RTTN: variants seen among roughly 807,000 people sequenced by gnomAD.
RTTN encodes the protein rotatin.
RTTN carries 182 observed loss-of-function variants against 269.2 expected under a neutral mutation model. That is an observed-to-expected ratio of 0.68 (90% CI 0.60 to 0.76). RTTN has a LOEUF of 0.76. Ranked by LOEUF, RTTN falls within the 30% of genes least tolerant of loss-of-function variation. RTTN has a pLI of 0.00. For missense variants in RTTN, 2,545 were observed against 2,608.6 expected, an observed-to-expected ratio of 0.98 and a Z score of 0.53; for synonymous variants, 1,006 against 963.5, an observed-to-expected ratio of 1.04 and a Z score of -0.82.
chr18:70,130,612 A>G (rs2059974495), intron 23 of RTTN: 1 of 152,026 alleles, frequency 6.6e-6, no homozygotes, highest in Admixed American at 6.6e-5. Flanking sequence ...AAAGAGTAGA[A>G]TGATGATTAC....
At chr18:70,078,990 T>C (rs1188935023) in intron 32 of RTTN, among the ~76,000 whole-genome samples, 5 of 152,114 alleles carry the variant, frequency 3.3e-5, no homozygotes, top group African/African-American at 1.2e-4. Flanking sequence ...AATACCACTA[T>C]GGTACTATGA....
chr18:70,180,010 T>C lies in RTTN; in HGVS notation c.1306-3165A>G, dbSNP rs78799531. ...TCCACTATTTGCACCTCACATTTCA[T>C]GGTCTAGGTGCTTGTGTTCCATCTA... On this transcript the variant is annotated intron_variant, in intron 10 of 48. Transcript: ENST00000640769. 2.4e-3 allele frequency among the ~76,000 whole-genome samples: 360 copies of C among 152,284 alleles called. 1 individual carries two copies. The highest frequency in any genetic ancestry group is 8.3e-3 in the African/African-American group (346 of 41,556).
At chr18:70,091,764 T>A (rs1468695131) in intron 30 of RTTN, 1 of 160,230 alleles carries the variant, frequency 6.2e-6, no homozygotes, top group East Asian at 1.8e-4. Context: ...GTCTTTTTTT[T>A]TTTTTTGAGA....
At position 70,062,965 on chromosome 18, in the gene RTTN, C is replaced by T. The variant is rs945276514; in HGVS notation, c.4747+2864G>A. The stretch of plus-strand genomic sequence containing the variant: ...ATAAGTAATTTTGTTATATGTTTAT[C>T]ATTATCTATATATTGTTATATATCT... On this transcript the variant is annotated intron_variant, in intron 35 of 48. Transcript: ENST00000640769. Among the ~76,000 whole-genome samples, 18 of 152,048 alleles carry T rather than the reference C, an allele frequency of 1.2e-4. 1 individual carries two copies. The highest frequency in any genetic ancestry group is 4.4e-5 in the Non-Finnish European group (3 of 68,000).
chr18:70,152,184 T>C (rs561173657), intron 14 of RTTN, among the ~76,000 whole-genome samples: 1 of 146,320 alleles, frequency 6.8e-6, no homozygotes, highest in African/African-American at 2.5e-5. Context: ...GTTGATCCTA[T>C]CAAGGCTTGT....
chr18:70,057,004 T>C (rs1390415258), intron 37 of RTTN, among the ~76,000 whole-genome samples: 1 of 152,190 alleles, frequency 6.6e-6, no homozygotes, highest in Non-Finnish European at 1.5e-5. Flanking sequence ...CATTATGCAA[T>C]AGGCATGCTC....
chr18:70,099,076 C>T (rs534023296), intron 28 of RTTN, among the ~76,000 whole-genome samples: 1 of 151,536 alleles, frequency 6.6e-6, no homozygotes, highest in East Asian at 1.9e-4. Context: ...ATGAATATAG[C>T]AGCATGATTT....
At chr18:70,171,062 C>A (rs2061130246) in intron 11 of RTTN, among the ~76,000 whole-genome samples, 1 of 152,092 alleles carries the variant, frequency 6.6e-6, no homozygotes, top group African/African-American at 2.4e-5. Context: ...CATTTATTGT[C>A]ACCCAAGTGA....
chr18:70,134,412 G>C lies in RTTN; in HGVS notation c.2954+61C>G, dbSNP rs1365869763. On this transcript the variant is annotated intron_variant, in intron 23 of 48. Transcript: ENST00000640769. ...AAAATTGTGACAAATTATAGATTTTGATTTCCCTTTCTGTAACAACATTTC... is the reference window on the plus strand; with the variant it reads ...AAAATTGTGACAAATTATAGATTTTCATTTCCCTTTCTGTAACAACATTTC... 3 of 1,239,198 alleles carry C rather than the reference G, an allele frequency of 2.4e-6. No individual in the cohort carries two copies. The African/African-American group carries it at 4.5e-5, about 19-fold the overall frequency. 76.8% of individuals were successfully genotyped at this position (1,239,198 alleles called of 1,614,324 possible). A position where few individuals can be genotyped will look rare whatever the true frequency, so the allele number is the denominator to read the frequency against.
chr18:70,118,084 C>G (rs1479083405), intron 26 of RTTN, among the ~76,000 whole-genome samples: 1 of 151,298 alleles, frequency 6.6e-6, no homozygotes, highest in Non-Finnish European at 1.5e-5. Context: ...ATAAATGAAG[C>G]CAAAACTTAG....
intron 14 of RTTN, among the ~76,000 whole-genome samples, chr18:70,159,512 A>G (rs2060771321): frequency 2.0e-5 from 3 of 152,162 alleles, no homozygotes; most frequent in South Asian, 2.1e-4. Context: ...TAACAACCTG[A>G]CACCACACTT....
At chr18:70,090,177 T>C (rs2058805932) in intron 30 of RTTN, among the ~76,000 whole-genome samples, 1 of 152,200 alleles carries the variant, frequency 6.6e-6, no homozygotes, top group African/African-American at 2.4e-5. Flanking sequence ...TTGGACTTCC[T>C]GGATTCTGTA....
chr18:70,090,773 G>C (rs777309023), intron 30 of RTTN, among the ~76,000 whole-genome samples: 3 of 152,150 alleles, frequency 2.0e-5, no homozygotes, highest in Non-Finnish European at 4.4e-5. Context: ...GGCTGCCCTT[G>C]AAGACAGCTT....
At chr18:70,006,515 C>A (rs774797118) in intron 46 of RTTN, 31 bp from the exon 47 acceptor site, 56 of 1,493,374 alleles carry the variant, frequency 3.7e-5, no homozygotes, top group Non-Finnish European at 4.6e-5. Flanking sequence ...TTTAAAAGTT[C>A]AGTCCCAGAC....
At chr18:70,022,538 C>T (rs147689418) in intron 44 of RTTN, among the ~76,000 whole-genome samples, 1 of 152,304 alleles carries the variant, frequency 6.6e-6, no homozygotes, top group East Asian at 1.9e-4. Flanking sequence ...CTTGCTGTTG[C>T]TCCATTTCTT....
intron 40 of RTTN, among the ~76,000 whole-genome samples, chr18:70,042,379 TTTTTTTTTTTTTTTG>T (rs2057369377): frequency 7.3e-6 from 1 of 137,632 alleles, no homozygotes; most frequent in Non-Finnish European, 1.6e-5. Flanking sequence ...TTTTTTTTTT[TTTTTTTTTTTTTTTG>T]AGACGGAGTC....
rs964455610 is a variant in RTTN, at chr18:70,109,722, G to A, written c.3684-5C>T. ...TAAAGAAGTTCCGAGCATTTCCTATGTATGCAAAAGAGGGAAAATCAACCA... is the reference window on the plus strand; with the variant it reads ...TAAAGAAGTTCCGAGCATTTCCTATATATGCAAAAGAGGGAAAATCAACCA... On this transcript the variant is annotated splice_polypyrimidine_tract_variant and splice_region_variant and intron_variant, in intron 27 of 48. Transcript: ENST00000640769. The A allele has an allele frequency of 3.1e-6, 5 of 1,612,268 alleles. No individual in the cohort carries two copies. The highest frequency in any genetic ancestry group is 1.7e-6 in the Non-Finnish European group (2 of 1,178,564).
chr18:70,191,374 C>T (rs960355434), intron 8 of RTTN, among the ~76,000 whole-genome samples: 3 of 152,108 alleles, frequency 2.0e-5, no homozygotes, highest in Admixed American at 6.5e-5. Flanking sequence ...CTGTAATCAA[C>T]GTGTAGAGAC....
intron 23 of RTTN, among the ~76,000 whole-genome samples, chr18:70,132,958 T>C (rs999405913): frequency 6.6e-6 from 1 of 152,110 alleles, no homozygotes; most frequent in Non-Finnish European, 1.5e-5. Context: ...AGATATGGAA[T>C]GTCAAGAATT....
Sources: allele counts gnomAD v4.1 joint callset (sites outside exome capture counted in the v4.1 genomes callset), GRCh38; gene constraint gnomAD v4.1.1; transcripts MANE v1.5; gene names NCBI Gene and HGNC (gene_info 2026-07-23, HGNC 2026-07-21).